The following ZFPM1 variants were observed in gnomAD, a reference collection of about 807,000 sequenced individuals.
ZFPM1 encodes zinc finger protein, FOG family member 1.
A neutral mutation model predicts 46.3 loss-of-function variants in ZFPM1; 28 were observed. The observed-to-expected ratio is 0.60, with a 90% CI of 0.45 to 0.83. The LOEUF is 0.83. Ranked by LOEUF, ZFPM1 falls within the 40% of genes least tolerant of loss-of-function variation. The pLI is 0.00. For synonymous variants in ZFPM1, 957 were observed against 675.9 expected (o/e 1.42, Z -6.45); for missense variants, 1,878 against 1,432.4 (o/e 1.31, Z -5.02).
chr16:88,518,204 CAA>C (rs112046588), intron 4 of ZFPM1, among the ~76,000 whole-genome samples: 4 of 116,424 alleles, frequency 3.4e-5, no homozygotes, highest in Admixed American at 8.7e-5. Flanking sequence ...GACTCCGTCT[CAA>C]AAAAAAAAAA....
chr16:88,475,373 C>A (rs988965655), intron 1 of ZFPM1, among the ~76,000 whole-genome samples: 2 of 152,166 alleles, frequency 1.3e-5, no homozygotes, highest in Non-Finnish European at 2.9e-5. Flanking sequence ...AAGGGCCTCG[C>A]TGAGCTGTGA....
At chr16:88,514,674 C>T (rs1238237956) in intron 4 of ZFPM1, among the ~76,000 whole-genome samples, 154 bp downstream of exon 4, 3 of 152,102 alleles carry the variant, frequency 2.0e-5, no homozygotes, top group Admixed American at 6.5e-5. Flanking sequence ...GGGAGGGATT[C>T]GCTGCCTTGG....
chr16:88,466,031 G>A (rs569312458), intron 1 of ZFPM1, among the ~76,000 whole-genome samples: 5 of 152,328 alleles, frequency 3.3e-5, no homozygotes, highest in Admixed American at 1.3e-4. Context: ...CCGCTCCCTC[G>A]CTGGCAGAAA....
intron 3 of ZFPM1, among the ~76,000 whole-genome samples, chr16:88,511,950 C>T (rs917897386): frequency 3.3e-5 from 5 of 152,188 alleles, no homozygotes; most frequent in Non-Finnish European, 5.9e-5. Flanking sequence ...CACACCCCTC[C>T]GATCCCTGGA....
intron 4 of ZFPM1, among the ~76,000 whole-genome samples, chr16:88,520,633 G>GATGATTA (rs1911783794): frequency 1.6e-5 from 2 of 123,392 alleles, no homozygotes; most frequent in Admixed American, 8.0e-5. Flanking sequence ...TGGGTGGATG[G>GATGATTA]TGGATAGATG....
At chr16:88,464,056 C>T (rs965981141) in intron 1 of ZFPM1, among the ~76,000 whole-genome samples, 1 of 152,246 alleles carries the variant, frequency 6.6e-6, no homozygotes, top group Non-Finnish European at 1.5e-5. Flanking sequence ...TTCTATACCC[C>T]GTGGTCCATC....
In ZFPM1 at chr16:88,536,987, G is replaced by A. The variant is rs1396095543; in HGVS notation, c.*2008G>A. The A allele has an allele frequency of 6.6e-6, 1 of 152,154 alleles. No individual in the cohort carries two copies. The highest frequency in any genetic ancestry group is 6.5e-5 in the Admixed American group (1 of 15,276). 9.4% of individuals were successfully genotyped at this position (152,154 alleles called of 1,614,324 possible). A position where few individuals can be genotyped will look rare whatever the true frequency, so the allele number is the denominator to read the frequency against. On this transcript the variant is annotated 3_prime_UTR_variant, in exon 10 of 10. Transcript: ENST00000319555. ...ACCTGGTGGGGGGTTGTCACTGTGT[G>A]TACATTTAAAAGTAAACTGTTTAAA...
At chr16:88,523,039 C>G (rs1912022154) in intron 4 of ZFPM1, among the ~76,000 whole-genome samples, 1 of 152,160 alleles carries the variant, frequency 6.6e-6, no homozygotes, top group African/African-American at 2.4e-5. Flanking sequence ...AACCCCGTCC[C>G]TACTTAAACT....
At chr16:88,463,042 C>T (rs35478217) in intron 1 of ZFPM1, among the ~76,000 whole-genome samples, 2,086 of 152,306 alleles carry the variant, frequency 0.014, 43 homozygotes, top group African/African-American at 0.048. Context: ...CCCACTCCTT[C>T]CCACTTCCTT....
At chr16:88,473,860 C>T (rs1908541155) in intron 1 of ZFPM1, among the ~76,000 whole-genome samples, 4 of 152,334 alleles carry the variant, frequency 2.6e-5, no homozygotes, top group Non-Finnish European at 2.9e-5. Context: ...CACGGCCCCA[C>T]GCGGCCTCGC....
intron 1 of ZFPM1, among the ~76,000 whole-genome samples, chr16:88,459,083 T>G (rs1907686847): frequency 6.6e-6 from 1 of 152,212 alleles, no homozygotes; most frequent in East Asian, 1.9e-4. Context: ...AAGTCGAGAC[T>G]TGGGTGGCTC....
chr16:88,533,509 G>C lies in ZFPM1; in HGVS notation c.1551G>C (p.Glu517Asp), dbSNP rs1597291334. 1.4e-6 allele frequency: 2 copies of C among 1,412,164 alleles called. No homozygotes were observed. The highest frequency in any genetic ancestry group is 6.4e-5 in the Admixed American group (2 of 31,468). 87.5% of individuals were successfully genotyped at this position (1,412,164 alleles called of 1,614,324 possible). A position where few individuals can be genotyped will look rare whatever the true frequency, so the allele number is the denominator to read the frequency against. ...PTPGSSPVPG[E>D]LGLAGALFLP... ...CGGGCTCCAGCCCGGTGCCCGGCGA[G>C]CTGGGCCTGGCCGGGGCCCTGTTCC... The change falls in exon 10 of 10, where the codon GAG becomes GAC. Residue 517 changes from glutamate (E) to aspartate (D), a missense_variant. Coordinates refer to ENST00000319555, the MANE Select transcript of ZFPM1 (RefSeq NM_153813.3).
intron 2 of ZFPM1, among the ~76,000 whole-genome samples, chr16:88,487,498 C>T (rs1909297915): frequency 6.6e-6 from 1 of 152,146 alleles, no homozygotes; most frequent in African/African-American, 2.4e-5. Context: ...TGCCAGGAGG[C>T]AGTGACAGCA....
Position 88,469,844 on chromosome 16 carries a change from C to A in ZFPM1, c.41-16095C>A, listed in dbSNP as rs1420409169. Among the ~76,000 whole-genome samples, 2 of 152,004 alleles carry A rather than the reference C, an allele frequency of 1.3e-5. No individual in the cohort carries two copies. Among genetic ancestry groups the A allele is most frequent in the Admixed American group, 6.5e-5 (1 of 15,272 alleles). On this transcript the variant is annotated intron_variant, in intron 1 of 9. Transcript: ENST00000319555. This position sits in a 1 kb window ranked among gnomAD's most constrained non-coding sequence, Gnocchi z 4.3. Reference sequence around the variant, plus strand: ...GAACCAGACATCACCTTGGCCAGGGCCCCACCCCCTAACGTGGGGTGCAGT... The same window carrying A: ...GAACCAGACATCACCTTGGCCAGGGACCCACCCCCTAACGTGGGGTGCAGT...
At chr16:88,526,265 C>A (rs1912310695) in intron 4 of ZFPM1, among the ~76,000 whole-genome samples, 1 of 152,204 alleles carries the variant, frequency 6.6e-6, no homozygotes, top group Admixed American at 6.5e-5. Flanking sequence ...CAGGAGGACA[C>A]TGAGGCCCGA....
Position 88,532,093 on chromosome 16 carries a change from G to A in ZFPM1, c.804G>A (p.Gln268=), listed in dbSNP as rs200846316. ...TGCTCTACTACTGCGCCAGCCGCCAGGGCACCGGCTCCCCGGCCGCAGCCG... is the reference window on the plus strand; with the variant it reads ...TGCTCTACTACTGCGCCAGCCGCCAAGGCACCGGCTCCCCGGCCGCAGCCG... The part of the protein sequence containing the change: ...AHLLYYCASR[Q]GTGSPAAAAT... The change falls in exon 7 of 10, where the codon CAG becomes CAA. Residue 268 remains glutamine (Q), a synonymous_variant. Transcript: ENST00000319555. 193 of 1,612,470 alleles carry A rather than the reference G, an allele frequency of 1.2e-4. 1 individual carries two copies. The East Asian group carries it at 1.9e-3, about 16-fold the overall frequency.
chr16:88,486,138 G>A (rs548014092), intron 2 of ZFPM1, 95 bp downstream of exon 2: 3 of 1,288,748 alleles, frequency 2.3e-6, no homozygotes, highest in Non-Finnish European at 3.2e-6. Flanking sequence ...TCTGAGAGGT[G>A]TGGGCCAACT....
At chr16:88,473,356 G>C (rs1003488615) in intron 1 of ZFPM1, among the ~76,000 whole-genome samples, 4 of 152,208 alleles carry the variant, frequency 2.6e-5, no homozygotes, top group Non-Finnish European at 5.9e-5. Flanking sequence ...CTCACCCACC[G>C]ACCCTCAGGC....
chr16:88,483,204 A>C (rs909428377), intron 1 of ZFPM1, among the ~76,000 whole-genome samples: 5 of 151,996 alleles, frequency 3.3e-5, no homozygotes, highest in Non-Finnish European at 7.4e-5. Context: ...TAGAGCCCCA[A>C]AGGCTGCAGC....
Sources: gnomAD v4.1 joint callset for allele counts (sites outside exome capture counted in the v4.1 genomes callset) on GRCh38, gnomAD v4.1.1 for gene constraint, Gnocchi (gnomAD v3.1) non-coding constraint, MANE v1.5 for transcripts, NCBI Gene and HGNC (gene_info 2026-07-23, HGNC 2026-07-21) for gene names.